The following FHIP1A variants were observed in gnomAD, a reference collection of about 807,000 sequenced individuals.
FHIP1A encodes FHF complex subunit HOOK-interacting protein 1A.
A neutral mutation model predicts 88.6 loss-of-function variants in FHIP1A; 61 were observed. The ratio of observed to expected loss-of-function variants is 0.69; its 90% confidence interval spans 0.56 to 0.85. The LOEUF is 0.85. Among genes scored for constraint, FHIP1A ranks in the 40% least tolerant of loss-of-function variants. FHIP1A has a pLI of 0.00. For synonymous variants in FHIP1A, 478 were observed against 496.0 expected (o/e 0.96, Z 0.48); for missense variants, 1,154 against 1,273.5 (o/e 0.91, Z 1.43).
At chr4:151,646,118 T>C (rs1196202257) in intron 9 of FHIP1A, among the ~76,000 whole-genome samples, 2 of 152,162 alleles carry the variant, frequency 1.3e-5, no homozygotes, top group African/African-American at 4.8e-5. Context: ...GAAGTAATTG[T>C]GATACAAGAT....
At chr4:151,410,300 C>G (rs1732569110) in intron 1 of FHIP1A, among the ~76,000 whole-genome samples, 2 of 152,234 alleles carry the variant, frequency 1.3e-5, no homozygotes, top group African/African-American at 4.8e-5. Flanking sequence ...GGAAACCCCC[C>G]TGAAGGGAAA....
At chr4:151,437,525 TA>T (rs1728247781) in intron 1 of FHIP1A, among the ~76,000 whole-genome samples, 1 of 152,202 alleles carries the variant, frequency 6.6e-6, no homozygotes, top group African/African-American at 2.4e-5. Context: ...CTGAACAAGT[TA>T]ATCCATGAGG....
chr4:151,573,242 A>G (rs1733659854), intron 4 of FHIP1A, among the ~76,000 whole-genome samples: 1 of 152,028 alleles, frequency 6.6e-6, no homozygotes, highest in African/African-American at 2.4e-5. Context: ...TTTAGGATCA[A>G]TATGTGATCA....
chr4:151,645,693 T>C (rs1317420965), intron 9 of FHIP1A, among the ~76,000 whole-genome samples: 1 of 151,770 alleles, frequency 6.6e-6, no homozygotes, highest in Non-Finnish European at 1.5e-5. Context: ...ATAAGTTCTT[T>C]ATCCCATTTG....
intron 1 of FHIP1A, among the ~76,000 whole-genome samples, chr4:151,435,170 ATAGT>A (rs1733755071): frequency 5.6e-5 from 2 of 35,632 alleles, no homozygotes; most frequent in Non-Finnish European, 1.4e-4. Context: ...GTTGCTAACT[ATAGT>A]CCTATAGTCA....
chr4:151,656,195 G>T lies in FHIP1A; in HGVS notation c.2552-37G>T. The T allele has an allele frequency of 6.5e-7, 1 of 1,530,470 alleles. No homozygotes were observed. 94.8% of individuals were successfully genotyped at this position (1,530,470 alleles called of 1,614,324 possible). ...TTGTCAGGGAAAGGCATCCCTGTGA[G>T]CCCAGCCAGCCCTGAAGCCTTGTGT... On this transcript the variant is annotated intron_variant, in intron 11 of 13. Coordinates refer to ENST00000435205, the MANE Select transcript of FHIP1A (RefSeq NM_001109977.3). The surrounding 1 kb of genome is among the most constrained non-coding windows in gnomAD (Gnocchi z 4.2).
At chr4:151,616,448 T>C (rs183028909) in intron 7 of FHIP1A, among the ~76,000 whole-genome samples, 241 of 75,734 alleles carry the variant, frequency 3.2e-3, no homozygotes, top group African/African-American at 7.4e-3. Context: ...TTCTTTCTTT[T>C]TTTTTTTTTT....
intron 3 of FHIP1A, among the ~76,000 whole-genome samples, chr4:151,493,733 T>A (rs1730365004): frequency 6.6e-6 from 1 of 152,196 alleles, no homozygotes; most frequent in Non-Finnish European, 1.5e-5. Context: ...TATATGATCA[T>A]CTCAATAGAT....
At chr4:151,558,057 T>C (rs1306601472) in intron 3 of FHIP1A, among the ~76,000 whole-genome samples, 3 of 152,182 alleles carry the variant, frequency 2.0e-5, no homozygotes, top group African/African-American at 7.2e-5. Context: ...AAAATGATGC[T>C]TGGGACAAAA....
intron 3 of FHIP1A, among the ~76,000 whole-genome samples, chr4:151,484,555 C>T (rs1222791276): frequency 1.3e-5 from 2 of 152,050 alleles, no homozygotes; most frequent in Admixed American, 6.5e-5. Flanking sequence ...TGGTTTCTTC[C>T]GAGGAAATGA....
chr4:151,537,100 A>G (rs1416996272), intron 3 of FHIP1A, among the ~76,000 whole-genome samples: 2 of 150,248 alleles, frequency 1.3e-5, no homozygotes, highest in African/African-American at 4.9e-5. Flanking sequence ...CTGGCCTTGA[A>G]CTCCTGGGCT....
intron 1 of FHIP1A, among the ~76,000 whole-genome samples, chr4:151,439,689 T>G (rs1452297871): frequency 6.6e-6 from 1 of 152,206 alleles, no homozygotes; most frequent in Non-Finnish European, 1.5e-5. Context: ...TCTGTGACTC[T>G]TTGATCTTAC....
intron 2 of FHIP1A, among the ~76,000 whole-genome samples, chr4:151,459,203 A>G (rs1729066293): frequency 2.0e-5 from 3 of 152,154 alleles, no homozygotes; most frequent in Admixed American, 2.0e-4. Context: ...ACACACGTGC[A>G]CAAAAAGTAT....
intron 7 of FHIP1A, among the ~76,000 whole-genome samples, chr4:151,614,740 CTTTCAGGGA>C (rs1211883918): frequency 2.0e-5 from 3 of 152,152 alleles, no homozygotes; most frequent in African/African-American, 7.2e-5. Context: ...AATGTGAGTA[CTTTCAGGGA>C]TTGCCAGGAG....
At chr4:151,554,088 T>G (rs1029768966) in intron 3 of FHIP1A, among the ~76,000 whole-genome samples, 1 of 152,214 alleles carries the variant, frequency 6.6e-6, no homozygotes, top group African/African-American at 2.4e-5. Context: ...CTGACTTTTC[T>G]TCTTACTACC....
At chr4:151,551,906 G>T (rs868153800) in intron 3 of FHIP1A, among the ~76,000 whole-genome samples, 1 of 151,982 alleles carries the variant, frequency 6.6e-6, no homozygotes, top group African/African-American at 2.4e-5. Context: ...CTACAGAATG[G>T]GAGAAAATTT....
At chr4:151,565,170 TC>T (rs1005850371) in intron 3 of FHIP1A, among the ~76,000 whole-genome samples, 3 of 152,118 alleles carry the variant, frequency 2.0e-5, no homozygotes, top group Admixed American at 6.5e-5. Flanking sequence ...TCTGAACTCT[TC>T]CCAATCTGTA....
At chr4:151,614,177 A>G (rs1242633838) in intron 7 of FHIP1A, among the ~76,000 whole-genome samples, 2 of 147,424 alleles carry the variant, frequency 1.4e-5, no homozygotes, top group Admixed American at 1.4e-4. Flanking sequence ...AAAAAAAAAA[A>G]GTTTTATAAG....
chr4:151,462,450 C>A (rs1325137273), intron 2 of FHIP1A, among the ~76,000 whole-genome samples: 5 of 152,160 alleles, frequency 3.3e-5, no homozygotes. Flanking sequence ...ATCATTCATT[C>A]TCTTGTGTAG....
Sources: allele counts gnomAD v4.1 joint callset (sites outside exome capture counted in the v4.1 genomes callset), GRCh38; gene constraint gnomAD v4.1.1; non-coding constraint Gnocchi (gnomAD v3.1); transcripts MANE v1.5; gene names NCBI Gene and HGNC (gene_info 2026-07-23, HGNC 2026-07-21).